The following DCC variants were observed in gnomAD, a reference collection of about 807,000 sequenced individuals.
DCC encodes netrin receptor DCC.
A neutral mutation model predicts 172.5 loss-of-function variants in DCC; 58 were observed. That is an observed-to-expected ratio of 0.34 (90% CI 0.27 to 0.42). The LOEUF (loss-of-function observed/expected upper bound fraction) is 0.42. Among genes scored for constraint, DCC ranks in the 10% least tolerant of loss-of-function variants. The pLI is 1.00. For synonymous variants in DCC, 709 were observed against 644.5 expected, an observed-to-expected ratio of 1.10 and a Z score of -1.52; for missense variants, 1,740 against 1,791.0, an observed-to-expected ratio of 0.97 and a Z score of 0.51.
intron 1 of DCC, among the ~76,000 whole-genome samples, chr18:52,542,006 C>CAATATAATATATAA (rs1471758158): frequency 6.8e-6 from 1 of 146,566 alleles, no homozygotes; most frequent in Non-Finnish European, 1.5e-5. Flanking sequence ...CAGCAATATG[C>CAATATAATATATAA]TAGCAATATA....
intron 25 of DCC, among the ~76,000 whole-genome samples, chr18:53,472,506 T>G (rs2045709736): frequency 6.6e-6 from 1 of 152,216 alleles, no homozygotes; most frequent in South Asian, 2.1e-4. Context: ...AATCATTTAT[T>G]GCTTTCTTCT....
intron 7 of DCC, among the ~76,000 whole-genome samples, chr18:53,148,885 A>T (rs1337687248): frequency 2.1e-3 from 70 of 33,096 alleles, no homozygotes; most frequent in Admixed American, 8.3e-3. Context: ...TTTTTTTTGG[A>T]CAAAGTCTCG....
At chr18:52,654,755 T>A (rs1477949893) in intron 1 of DCC, among the ~76,000 whole-genome samples, 2 of 152,116 alleles carry the variant, frequency 1.3e-5, no homozygotes, top group Non-Finnish European at 2.9e-5. Flanking sequence ...ACTAAAGCTT[T>A]AACATACCCC....
At chr18:52,917,384 A>G (rs145377779) in intron 3 of DCC, among the ~76,000 whole-genome samples, 1 of 152,256 alleles carries the variant, frequency 6.6e-6, no homozygotes, top group East Asian at 1.9e-4. Context: ...TTAGTATGGA[A>G]TGTATTTGTT....
At chr18:53,510,383 A>C (rs1407870479) in intron 27 of DCC, among the ~76,000 whole-genome samples, 2 of 152,220 alleles carry the variant, frequency 1.3e-5, no homozygotes, top group African/African-American at 4.8e-5. Context: ...TAAATCACAG[A>C]GAATGGGAGC....
At chr18:53,020,399 A>G (rs555269617) in intron 5 of DCC, among the ~76,000 whole-genome samples, 1 of 152,318 alleles carries the variant, frequency 6.6e-6, no homozygotes, top group East Asian at 1.9e-4. Context: ...AAATATTTAT[A>G]ATAGAATTCC....
chr18:52,785,067 G>C (rs1337025637), intron 2 of DCC, among the ~76,000 whole-genome samples: 2 of 151,982 alleles, frequency 1.3e-5, no homozygotes, highest in Non-Finnish European at 2.9e-5. Flanking sequence ...TGGTTGATCA[G>C]GCACGAGGTT....
At chr18:53,095,192 TC>T (rs1451766811) in intron 7 of DCC, among the ~76,000 whole-genome samples, 2 of 152,176 alleles carry the variant, frequency 1.3e-5, no homozygotes. Context: ...ATAAATTTAT[TC>T]CAATTGTTAT....
chr18:52,686,069 C>T (rs147094392), intron 1 of DCC, among the ~76,000 whole-genome samples: 2 of 152,232 alleles, frequency 1.3e-5, no homozygotes, highest in East Asian at 3.9e-4. Context: ...TTGATGTCCA[C>T]ACTGTCAATG....
intron 1 of DCC, among the ~76,000 whole-genome samples, chr18:52,373,408 TATTAA>T (rs1985209198): frequency 6.6e-6 from 1 of 152,222 alleles, no homozygotes; most frequent in Non-Finnish European, 1.5e-5. Context: ...TTCAGCTGCT[TATTAA>T]ACATAGTAGT....
intron 5 of DCC, among the ~76,000 whole-genome samples, chr18:52,937,876 G>T (rs2040403630): frequency 1.3e-5 from 2 of 152,074 alleles, no homozygotes; most frequent in Middle Eastern, 3.4e-3. Flanking sequence ...ACACTTGAGG[G>T]TGTTATTGGG....
intron 1 of DCC, among the ~76,000 whole-genome samples, chr18:52,718,321 A>G (rs1171341384): frequency 6.6e-6 from 1 of 152,248 alleles, no homozygotes; most frequent in Non-Finnish European, 1.5e-5. Context: ...GTATTTGGGC[A>G]GAGATAATTG....
At chr18:53,465,028 G>C (rs1425030395) in intron 24 of DCC, among the ~76,000 whole-genome samples, 1 of 150,704 alleles carries the variant, frequency 6.6e-6, no homozygotes, top group African/African-American at 2.4e-5. Context: ...AAAGAAAACT[G>C]GTTGGATCTA....
At chr18:53,258,660 G>T (rs551938485) in intron 12 of DCC, among the ~76,000 whole-genome samples, 33 of 152,228 alleles carry the variant, frequency 2.2e-4, no homozygotes, top group African/African-American at 7.7e-4. Flanking sequence ...AATAGGTGTG[G>T]TGTTGTGCTG....
chr18:53,121,433 T>C (rs16956187), intron 7 of DCC, among the ~76,000 whole-genome samples: 78,920 of 151,608 alleles, frequency 0.52, 21,179 homozygotes, highest in African/African-American at 0.6. Context: ...GCACATTTCT[T>C]ATTGTTGTCT....
At chr18:52,753,938 G>A (rs547675173) in intron 2 of DCC, 1 of 152,206 alleles carries the variant, frequency 6.6e-6, no homozygotes, top group South Asian at 2.1e-4. Flanking sequence ...AGCAAGGCAA[G>A]CAGATTGAAC....
chr18:52,727,304 T>G (rs71367292), intron 1 of DCC, among the ~76,000 whole-genome samples: 26,319 of 152,168 alleles, frequency 0.17, 2,461 homozygotes, highest in South Asian at 0.28. Flanking sequence ...TTTTGTAATA[T>G]GTTCAATGGG....
At chr18:53,425,306 A>C (rs1910849947) in intron 21 of DCC, among the ~76,000 whole-genome samples, 1 of 145,096 alleles carries the variant, frequency 6.9e-6, no homozygotes, top group South Asian at 2.2e-4. Context: ...CCCAAGACCA[A>C]CTCTTTGAAG....
chr18:53,290,950 C>T (rs112906833), intron 12 of DCC, among the ~76,000 whole-genome samples: 40 of 152,052 alleles, frequency 2.6e-4, no homozygotes, highest in Non-Finnish European at 4.6e-4. Context: ...TAGCGGATCA[C>T]GAGGTCAGGA....
Sources: allele counts gnomAD v4.1 joint callset (sites outside exome capture counted in the v4.1 genomes callset), GRCh38; gene constraint gnomAD v4.1.1; transcripts MANE v1.5; gene names NCBI Gene and HGNC (gene_info 2026-07-23, HGNC 2026-07-21).